FGF1: variants seen among roughly 807,000 people sequenced by gnomAD.
The protein encoded by FGF1 is fibroblast growth factor 1.
FGF1 carries 9 observed loss-of-function variants against 13.4 expected under a neutral mutation model. That is an observed-to-expected ratio of 0.67 (90% CI 0.40 to 1.17). The LOEUF is 1.17. Among genes scored for constraint, FGF1 ranks in the 50% most tolerant of loss-of-function variants. The probability of loss-of-function intolerance (pLI) is 0.01; values close to 1 mark genes in which losing one functional copy is unlikely to be tolerated. For synonymous variants in FGF1, 93 were observed against 79.0 expected (o/e 1.18, Z -0.94); for missense variants, 156 against 192.7 (o/e 0.81, Z 1.13).
intron 2 of FGF1, among the ~76,000 whole-genome samples, chr5:142,692,748 G>C (rs1411098078): frequency 6.7e-6 from 1 of 149,748 alleles, no homozygotes; most frequent in African/African-American, 2.5e-5. Flanking sequence ...ATTTCAGGAA[G>C]TTACAAGATG....
At chr5:142,603,549 C>T (rs1375703917) in intron 2 of FGF1, among the ~76,000 whole-genome samples, 1 of 152,178 alleles carries the variant, frequency 6.6e-6, no homozygotes, top group African/African-American at 2.4e-5. Flanking sequence ...GAGATCTTGT[C>T]CTGTTCCCTC....
intron 1 of FGF1, 23 bp from the exon 2 acceptor site, chr5:142,614,184 G>A (rs1334411145): frequency 1.3e-6 from 2 of 1,586,666 alleles, no homozygotes; most frequent in African/African-American, 1.3e-5. Flanking sequence ...GAACAAACCT[G>A]TAGTCGGTTC....
intron 1 of FGF1, among the ~76,000 whole-genome samples, chr5:142,648,689 C>CA (rs11451715): frequency 0.25 from 16,320 of 66,282 alleles, 1,552 homozygotes; most frequent in African/African-American, 0.34. Flanking sequence ...CCCCACCAAC[C>CA]AAAAAAAAAA....
At chr5:142,608,563 TATATATATATATATATATATACACAC>T (rs1758282957) in intron 2 of FGF1, among the ~76,000 whole-genome samples, 2 of 93,188 alleles carry the variant, frequency 2.1e-5, no homozygotes, top group South Asian at 3.5e-4. Flanking sequence ...TATATATATA[TATATATATATATATATATATACACAC>T]ACACACACAT....
intron 1 of FGF1, among the ~76,000 whole-genome samples, chr5:142,633,696 A>G (rs993498272): frequency 6.6e-6 from 1 of 152,210 alleles, no homozygotes; most frequent in African/African-American, 2.4e-5. Flanking sequence ...GGCTGAAAGC[A>G]GCTTTGGACT....
At chr5:142,672,544 G>A (rs1477004153) in intron 1 of FGF1, among the ~76,000 whole-genome samples, 1 of 128,808 alleles carries the variant, frequency 7.8e-6, no homozygotes, top group Non-Finnish European at 1.5e-5. Flanking sequence ...TCACTCTGTC[G>A]CCCAGGCTGG....
chr5:142,608,689 C>T (rs892565154), intron 2 of FGF1, among the ~76,000 whole-genome samples: 3 of 142,654 alleles, frequency 2.1e-5, no homozygotes, highest in Non-Finnish European at 3.0e-5. Flanking sequence ...AATTTTGATA[C>T]AGTCCAGAGA....
At chr5:142,609,614 CAA>C (rs1758622790) in intron 2 of FGF1, among the ~76,000 whole-genome samples, 1 of 152,164 alleles carries the variant, frequency 6.6e-6, no homozygotes, top group African/African-American at 2.4e-5. Context: ...GAAGCTGGGA[CAA>C]AGAGTCACCC....
chr5:142,657,251 C>T (rs1464451545), intron 1 of FGF1, among the ~76,000 whole-genome samples: 2 of 152,170 alleles, frequency 1.3e-5, no homozygotes, highest in African/African-American at 4.8e-5. Flanking sequence ...AAGGAAAAAA[C>T]AACAACTTTT....
At chr5:142,639,220 C>T (rs1246374548) in intron 1 of FGF1, among the ~76,000 whole-genome samples, 1 of 151,950 alleles carries the variant, frequency 6.6e-6, no homozygotes, top group Non-Finnish European at 1.5e-5. Flanking sequence ...ATCTGCACTC[C>T]TGTGTGCATT....
chr5:142,691,880 T>C (rs1476962917), intron 2 of FGF1, among the ~76,000 whole-genome samples: 2 of 152,224 alleles, frequency 1.3e-5, no homozygotes, highest in East Asian at 3.8e-4. Context: ...ACCTTCTTTG[T>C]AATGGCAGTT....
At chr5:142,627,646 C>T (rs1384890396) in intron 1 of FGF1, among the ~76,000 whole-genome samples, 2 of 152,178 alleles carry the variant, frequency 1.3e-5, no homozygotes, top group African/African-American at 4.8e-5. Flanking sequence ...CCCCAAGCAC[C>T]ACGCAGGAAG....
In FGF1 at chr5:142,593,469, A is replaced by AT; in HGVS notation, c.*1820dup. On this transcript the variant is annotated 3_prime_UTR_variant, in exon 4 of 4. Transcript: ENST00000337706. ...TTGCTTTGAACTTTCACAAACTGTC[A>AT]TTTTCCTTCCATTCTAAATATGACA... The AT allele has an allele frequency of 6.6e-6, 1 of 152,320 alleles. No individual in the cohort carries two copies. Among genetic ancestry groups the AT allele is most frequent in the South Asian group, 2.1e-4 (1 of 4,826 alleles). The allele number at this position is 152,320 out of a possible 1,614,324, so 9.4% of individuals were successfully genotyped here.
chr5:142,625,306 A>C (rs1320693401), intron 1 of FGF1, among the ~76,000 whole-genome samples: 1 of 96,756 alleles, frequency 1.0e-5, no homozygotes, highest in Non-Finnish European at 1.9e-5. Flanking sequence ...AGAGAGAACT[A>C]CAAGCGGACA....
chr5:142,657,020 C>T (rs928317570), intron 1 of FGF1, among the ~76,000 whole-genome samples: 14 of 152,016 alleles, frequency 9.2e-5, no homozygotes, highest in African/African-American at 2.4e-4. Flanking sequence ...CAGGTTCAAG[C>T]GATTCTCCTG....
chr5:142,619,083 T>C lies in FGF1; in HGVS notation c.-34-4922A>G, dbSNP rs373103879. On this transcript the variant is annotated intron_variant, in intron 1 of 3. Coordinates refer to ENST00000337706, the MANE Select transcript of FGF1 (RefSeq NM_000800.5). ...CTGAGTAGCTGGGACTACAGGCGCCTGCCACCGCGCCCGGCTAATTTTTTG... is the reference window on the plus strand; with the variant it reads ...CTGAGTAGCTGGGACTACAGGCGCCCGCCACCGCGCCCGGCTAATTTTTTG... 6.6e-3 allele frequency among the ~76,000 whole-genome samples: 995 copies of C among 151,902 alleles called. 11 individuals are homozygous for C. Among genetic ancestry groups the C allele is most frequent in the African/African-American group, 0.021 (871 of 41,346 alleles).
At chr5:142,694,558 G>A (rs974404362) in intron 2 of FGF1, among the ~76,000 whole-genome samples, 2 of 152,170 alleles carry the variant, frequency 1.3e-5, no homozygotes, top group South Asian at 2.1e-4. Flanking sequence ...ACCATCTCAA[G>A]ATTTTGGTGT....
At chr5:142,600,436 A>G (rs1464657897) in intron 3 of FGF1, among the ~76,000 whole-genome samples, 1 of 152,242 alleles carries the variant, frequency 6.6e-6, no homozygotes, top group Admixed American at 6.5e-5. Flanking sequence ...ATATTCTAAA[A>G]TGAGTGATTG....
intron 3 of FGF1, among the ~76,000 whole-genome samples, chr5:142,597,660 G>A (rs576258337): frequency 7.2e-5 from 11 of 152,160 alleles, no homozygotes; most frequent in South Asian, 4.1e-4. Flanking sequence ...TTTTCAAGTC[G>A]TGTGACCCCT....
Sources: gnomAD v4.1 joint callset for allele counts (sites outside exome capture counted in the v4.1 genomes callset) on GRCh38, gnomAD v4.1.1 for gene constraint, MANE v1.5 for transcripts, NCBI Gene and HGNC (gene_info 2026-07-23, HGNC 2026-07-21) for gene names.